Variants in NCAM2 observed in about 807,000 individuals in gnomAD.
NCAM2 encodes the protein neural cell adhesion molecule 2.
NCAM2 carries 30 observed loss-of-function variants against 98.1 expected under a neutral mutation model. The ratio of observed to expected loss-of-function variants is 0.31; its 90% CI spans 0.23 to 0.41. The LOEUF (loss-of-function observed/expected upper bound fraction) is 0.41. Among genes scored for constraint, NCAM2 ranks in the 10% least tolerant of loss-of-function variants. NCAM2 has a pLI of 1.00. For synonymous variants in NCAM2, 368 were observed against 342.4 expected (o/e 1.07, Z -0.83); for missense variants, 867 against 1,005.8 (o/e 0.86, Z 1.87).
intron 1 of NCAM2, among the ~76,000 whole-genome samples, chr21:21,279,167 A>T (rs2072836573): frequency 6.6e-6 from 1 of 152,190 alleles, no homozygotes; most frequent in African/African-American, 2.4e-5. Flanking sequence ...TTTCCAAAGA[A>T]CACGTTTATA....
intron 6 of NCAM2, among the ~76,000 whole-genome samples, chr21:21,327,306 CAAAAAAAA>C (rs11384559): frequency 6.1e-5 from 5 of 82,210 alleles, no homozygotes; most frequent in South Asian, 4.8e-4. Context: ...GACTCTGTCT[CAAAAAAAA>C]AAAAAAAAAA....
At chr21:21,496,227 C>T (rs1987224304) in intron 15 of NCAM2, among the ~76,000 whole-genome samples, 1 of 151,792 alleles carries the variant, frequency 6.6e-6, no homozygotes, top group African/African-American at 2.4e-5. Flanking sequence ...AAGTTGCATT[C>T]CCATCAACAA....
chr21:21,154,872 T>C (rs1041743062), intron 1 of NCAM2, among the ~76,000 whole-genome samples: 3 of 151,672 alleles, frequency 2.0e-5, no homozygotes, highest in Non-Finnish European at 4.4e-5. Flanking sequence ...GTTGGAAAAA[T>C]ATTAGACATA....
intron 4 of NCAM2, among the ~76,000 whole-genome samples, chr21:21,289,232 T>C (rs1228790660): frequency 6.6e-6 from 1 of 151,916 alleles, no homozygotes; most frequent in Non-Finnish European, 1.5e-5. Flanking sequence ...AATTCAACAA[T>C]TATGGAATAC....
intron 1 of NCAM2, among the ~76,000 whole-genome samples, chr21:21,054,029 A>C (rs1195916080): frequency 2.0e-5 from 3 of 151,712 alleles, no homozygotes; most frequent in Non-Finnish European, 4.4e-5. Flanking sequence ...CCTTGGAAAC[A>C]CCAATTATTT....
intron 11 of NCAM2, among the ~76,000 whole-genome samples, chr21:21,422,626 C>T (rs927306544): frequency 6.6e-6 from 1 of 152,080 alleles, no homozygotes. Flanking sequence ...AAAAAGTAAT[C>T]TTTCTATGTT....
intron 1 of NCAM2, among the ~76,000 whole-genome samples, chr21:21,136,640 T>G (rs538708798): frequency 4.6e-4 from 68 of 147,964 alleles, no homozygotes; most frequent in Middle Eastern, 3.5e-3. Context: ...GTTTTTTTTT[T>G]TATTTTTAGT....
intron 1 of NCAM2, among the ~76,000 whole-genome samples, chr21:21,227,138 A>C (rs2070418065): frequency 6.6e-6 from 1 of 151,918 alleles, no homozygotes; most frequent in African/African-American, 2.4e-5. Context: ...AGAATTAAAG[A>C]TACTAGTAAG....
intron 1 of NCAM2, among the ~76,000 whole-genome samples, chr21:21,099,267 G>GAAA (rs2066188641): frequency 1.3e-5 from 2 of 151,876 alleles, no homozygotes; most frequent in Admixed American, 6.6e-5. Flanking sequence ...CTGATTATTG[G>GAAA]TTTTGGTGTC....
intron 14 of NCAM2, among the ~76,000 whole-genome samples, chr21:21,475,962 T>A (rs1278368928): frequency 6.6e-6 from 1 of 152,168 alleles, no homozygotes; most frequent in Non-Finnish European, 1.5e-5. Flanking sequence ...CAATGTCTTC[T>A]TGCCTCCTTC....
chr21:21,354,958 C>T (rs1487865435), intron 8 of NCAM2, among the ~76,000 whole-genome samples: 2 of 152,072 alleles, frequency 1.3e-5, no homozygotes, highest in Non-Finnish European at 2.9e-5. Context: ...TTGGTCTTAG[C>T]CTAGATCACC....
At chr21:21,291,695 A>C (rs1230023312) in intron 4 of NCAM2, among the ~76,000 whole-genome samples, 2 of 151,742 alleles carry the variant, frequency 1.3e-5, no homozygotes, top group African/African-American at 2.4e-5. Context: ...TGTATGAAGA[A>C]GGATGTTCAA....
intron 1 of NCAM2, among the ~76,000 whole-genome samples, chr21:21,121,696 A>T (rs2066677721): frequency 6.6e-6 from 1 of 152,240 alleles, no homozygotes; most frequent in Admixed American, 6.5e-5. Flanking sequence ...ATATATCATG[A>T]ATTATAGCTT....
intron 1 of NCAM2, among the ~76,000 whole-genome samples, chr21:21,240,822 C>G (rs931060679): frequency 1.3e-5 from 2 of 152,088 alleles, no homozygotes; most frequent in African/African-American, 4.8e-5. Flanking sequence ...TGTTTCAATT[C>G]TCCTCTGAAA....
chr21:21,501,988 A>C (rs1321699349), intron 15 of NCAM2, among the ~76,000 whole-genome samples: 1 of 151,986 alleles, frequency 6.6e-6, no homozygotes, highest in Admixed American at 6.6e-5. Context: ...ATACCTTCCA[A>C]ATTTTTAAAA....
intron 15 of NCAM2, among the ~76,000 whole-genome samples, chr21:21,495,693 C>T (rs1316689358): frequency 1.3e-5 from 2 of 151,988 alleles, no homozygotes; most frequent in African/African-American, 4.8e-5. Flanking sequence ...TGTATGTTTT[C>T]TAATGTCAGA....
At chr21:21,153,574 ACAT>A (rs2067513737) in intron 1 of NCAM2, among the ~76,000 whole-genome samples, 1 of 151,982 alleles carries the variant, frequency 6.6e-6, no homozygotes, top group Non-Finnish European at 1.5e-5. Flanking sequence ...GGAAAAGCAA[ACAT>A]CATGACTTTT....
chr21:21,142,480 G>A (rs1487656432), intron 1 of NCAM2, among the ~76,000 whole-genome samples: 4 of 140,786 alleles, frequency 2.8e-5, no homozygotes, highest in South Asian at 2.4e-4. Flanking sequence ...CTGGGTTCAC[G>A]CCATTCTCCT....
intron 1 of NCAM2, among the ~76,000 whole-genome samples, chr21:21,197,003 T>TGTGTTG (rs2069028644): frequency 6.6e-6 from 1 of 152,208 alleles, no homozygotes; most frequent in African/African-American, 2.4e-5. Flanking sequence ...CACCTGCTCC[T>TGTGTTG]GTGTTGCCTT....
Sources: allele counts gnomAD v4.1 joint callset (sites outside exome capture counted in the v4.1 genomes callset), GRCh38; gene constraint gnomAD v4.1.1; transcripts MANE v1.5; gene names NCBI Gene and HGNC (gene_info 2026-07-23, HGNC 2026-07-21).